NAT1: variants seen among roughly 807,000 people sequenced by gnomAD.
The protein encoded by NAT1 is N-acetyltransferase 1.
For synonymous variants in NAT1, 144 were observed against 122.6 expected, an observed-to-expected ratio of 1.17 and a Z score of -1.16; for missense variants, 400 against 339.2, an observed-to-expected ratio of 1.18 and a Z score of -1.41.
chr8:18,184,706 T>C (rs1029223048), intron 2 of NAT1, among the ~76,000 whole-genome samples: 2 of 152,144 alleles, frequency 1.3e-5, no homozygotes, highest in African/African-American at 4.8e-5. Flanking sequence ...ACAAGAGGTG[T>C]TTAGGTCATG....
chr8:18,216,695 G>A (rs889864783), intron 1 of NAT1, among the ~76,000 whole-genome samples: 1 of 152,118 alleles, frequency 6.6e-6, no homozygotes, highest in Non-Finnish European at 1.5e-5. Flanking sequence ...AGAGTGGCTG[G>A]ATTAAGATGA....
chr8:18,194,270 T>A lies in NAT1; in HGVS notation n.93-15511T>A, dbSNP rs548410001. Among the ~76,000 whole-genome samples, 4 of 152,278 alleles carry A rather than the reference T, an allele frequency of 2.6e-5. No individual in the cohort carries two copies. The East Asian group carries it at 7.7e-4, about 29-fold the overall frequency. ...TGCACTGGGCATTTTCTTTGAAGAGTGACTACTTTAGTGATGTGTCTGTAG... is the reference window on the plus strand; with the variant it reads ...TGCACTGGGCATTTTCTTTGAAGAGAGACTACTTTAGTGATGTGTCTGTAG... On this transcript the variant is annotated intron_variant and non_coding_transcript_variant, in intron 2 of 4. Coordinates refer to the NAT1 transcript ENST00000517441.
intron 2 of NAT1, among the ~76,000 whole-genome samples, chr8:18,188,824 G>A (rs1295012663): frequency 2.7e-5 from 4 of 150,918 alleles, no homozygotes; most frequent in South Asian, 2.1e-4. Context: ...ATGAAACCCC[G>A]TCTCTACTAA....
At chr8:18,185,098 T>G (rs971492128) in intron 2 of NAT1, among the ~76,000 whole-genome samples, 52 of 152,094 alleles carry the variant, frequency 3.4e-4, no homozygotes, top group Admixed American at 1.0e-3. Context: ...TGTTTCAGTT[T>G]CAGGAGTGAT....
At chr8:18,201,767 G>A (rs112273004) in intron 2 of NAT1, among the ~76,000 whole-genome samples, 146 of 152,194 alleles carry the variant, frequency 9.6e-4, no homozygotes, top group African/African-American at 3.4e-3. Context: ...TGGGGACCTA[G>A]GATTCAGTGT....
At chr8:18,207,738 C>T (rs1803786326), upstream of NAT1, among the ~76,000 whole-genome samples, 2 of 152,248 alleles carry the variant, frequency 1.3e-5, no homozygotes, top group South Asian at 4.1e-4. Context: ...TCAGAAATAC[C>T]ATTTGACCCA....
chr8:18,191,282 A>G (rs1017444620), intron 2 of NAT1, among the ~76,000 whole-genome samples: 1 of 152,136 alleles, frequency 6.6e-6, no homozygotes, highest in African/African-American at 2.4e-5. Flanking sequence ...ACAACAAAAT[A>G]ATAGGTTTTA....
intron 2 of NAT1, among the ~76,000 whole-genome samples, chr8:18,187,564 G>A (rs540595760): frequency 4.9e-4 from 75 of 152,260 alleles, no homozygotes; most frequent in African/African-American, 1.8e-3. Context: ...CAACGTGGAT[G>A]CAACTGGAGA....
intron 2 of NAT1, among the ~76,000 whole-genome samples, chr8:18,195,865 C>T (rs1803207878): frequency 6.6e-6 from 1 of 151,608 alleles, no homozygotes; most frequent in African/African-American, 2.4e-5. Context: ...TTTCGACCTA[C>T]CAGTTATACA....
chr8:18,210,586 T>A (rs371320264), intron 1 of NAT1, among the ~76,000 whole-genome samples: 65 of 152,344 alleles, frequency 4.3e-4, no homozygotes, highest in African/African-American at 1.3e-3. Flanking sequence ...CTTGGTTACT[T>A]GTAACAGTGA....
upstream of NAT1, among the ~76,000 whole-genome samples, chr8:18,207,280 G>A (rs1235085193): frequency 6.6e-6 from 1 of 152,144 alleles, no homozygotes. Flanking sequence ...TTGTAACCTT[G>A]TAGTATGATT....
chr8:18,175,564 T>C (rs2117202556), intron 2 of NAT1, among the ~76,000 whole-genome samples: 1 of 152,260 alleles, frequency 6.6e-6, no homozygotes, highest in East Asian at 1.9e-4. Flanking sequence ...TTCAAGGCTA[T>C]ATAGTATTCC....
At chr8:18,207,843 T>C (rs550072064), upstream of NAT1, among the ~76,000 whole-genome samples, 11 of 152,274 alleles carry the variant, frequency 7.2e-5, no homozygotes, top group African/African-American at 2.6e-4. Flanking sequence ...CTATTCACAA[T>C]AGCAAAGACA....
intron 2 of NAT1, 158 bp from the exon 3 acceptor site, chr8:18,221,884 T>C (rs1563196735): frequency 4.2e-6 from 3 of 717,770 alleles, no homozygotes; most frequent in Middle Eastern, 4.2e-4. Flanking sequence ...ACTGAACTTA[T>C]GTGTGTAAAA....
intron 2 of NAT1, among the ~76,000 whole-genome samples, chr8:18,187,669 G>T (rs186271298): frequency 6.6e-6 from 1 of 151,860 alleles, no homozygotes; most frequent in South Asian, 2.1e-4. Context: ...ACATGGACAC[G>T]AAGAAGGGAA....
At chr8:18,192,203 A>C (rs1310283307) in intron 2 of NAT1, among the ~76,000 whole-genome samples, 1 of 152,192 alleles carries the variant, frequency 6.6e-6, no homozygotes, top group African/African-American at 2.4e-5. Flanking sequence ...ACTTCTCAAA[A>C]GAAGACATTT....
intron 2 of NAT1, among the ~76,000 whole-genome samples, chr8:18,181,684 C>T (rs1018808519): frequency 2.6e-5 from 4 of 152,140 alleles, no homozygotes; most frequent in Non-Finnish European, 5.9e-5. Context: ...TTTAATTTTT[C>T]TCCATTTGGT....
intron 2 of NAT1, among the ~76,000 whole-genome samples, chr8:18,194,241 G>A (rs1803140302): frequency 6.6e-6 from 1 of 152,208 alleles, no homozygotes; most frequent in East Asian, 1.9e-4. Context: ...GTAGTGCACG[G>A]AGCTGCACTG....
chr8:18,213,820 T>C (rs1488533406), intron 1 of NAT1, among the ~76,000 whole-genome samples: 1 of 147,308 alleles, frequency 6.8e-6, no homozygotes, highest in Non-Finnish European at 1.5e-5. Flanking sequence ...TCATATTTCT[T>C]TTTTTTTTTT....
Sources: allele counts gnomAD v4.1 joint callset (sites outside exome capture counted in the v4.1 genomes callset), GRCh38; gene constraint gnomAD v4.1.1; transcripts MANE v1.5; gene names NCBI Gene and HGNC (gene_info 2026-07-23, HGNC 2026-07-21).